Variants in ITGA4 observed in about 807,000 individuals in gnomAD.
ITGA4 encodes integrin subunit alpha 4.
In ITGA4, 63 loss-of-function variants were observed where a neutral mutation model predicts 133.6. The ratio of observed to expected loss-of-function variants is 0.47; its 90% CI spans 0.38 to 0.58. The LOEUF is 0.58. ITGA4 is among the 20% of genes least tolerant of loss of function. The probability of loss-of-function intolerance (pLI) is 0.00; values close to 1 mark genes in which losing one functional copy is unlikely to be tolerated. For synonymous variants in ITGA4, 483 were observed against 438.0 expected (o/e 1.10, Z -1.28); for missense variants, 1,076 against 1,252.7 (o/e 0.86, Z 2.13).
intron 6 of ITGA4, among the ~76,000 whole-genome samples, chr2:181,481,083 A>G (rs1445187901): frequency 6.6e-6 from 1 of 152,164 alleles, no homozygotes; most frequent in East Asian, 1.9e-4. Flanking sequence ...AGAATTTGTT[A>G]CAATTCAATG....
intron 22 of ITGA4, among the ~76,000 whole-genome samples, chr2:181,527,712 A>AG (rs141737636): frequency 0.24 from 37,018 of 152,184 alleles, 5,294 homozygotes; most frequent in Non-Finnish European, 0.32. Flanking sequence ...GGACAGGCCA[A>AG]GGGAAGGCAT....
intron 4 of ITGA4, chr2:181,475,716 C>T (rs769668228): frequency 2.9e-5 from 41 of 1,411,984 alleles, no homozygotes; most frequent in Non-Finnish European, 3.7e-5. Flanking sequence ...ATCTTTCATT[C>T]GCACTCACTA....
intron 10 of ITGA4, among the ~76,000 whole-genome samples, chr2:181,492,710 T>G (rs1159902710): frequency 1.3e-5 from 2 of 152,224 alleles, no homozygotes; most frequent in Non-Finnish European, 2.9e-5. Flanking sequence ...AAAATCATTA[T>G]TTTACAGAAC....
Position 181,537,853 on chromosome 2 carries a change from CG to C in ITGA4, c.*2327del, listed in dbSNP as rs1687245667. On this transcript the variant is annotated 3_prime_UTR_variant, in exon 28 of 28. Coordinates refer to ENST00000397033, the MANE Select transcript of ITGA4 (RefSeq NM_000885.6). The stretch of plus-strand genomic sequence containing the variant: ...TAACATCAATTTCTATTAGGATATC[CG>C]TTTGGCCACACAGCAGGAGGTTAGA... 2 of 506,674 alleles carry C rather than the reference CG, an allele frequency of 3.9e-6. No homozygotes were observed. The highest frequency in any genetic ancestry group is 7.6e-6 in the Non-Finnish European group (2 of 261,740). 31.4% of individuals were successfully genotyped at this position (506,674 alleles called of 1,614,324 possible).
At chr2:181,480,499 C>T (rs567365059) in intron 6 of ITGA4, among the ~76,000 whole-genome samples, 1 of 152,174 alleles carries the variant, frequency 6.6e-6, no homozygotes, top group South Asian at 2.1e-4. Flanking sequence ...CTTAATAGAA[C>T]TCCTAGTTTA....
At chr2:181,489,111 AC>A (rs1367477196) in intron 10 of ITGA4, among the ~76,000 whole-genome samples, 1 of 152,222 alleles carries the variant, frequency 6.6e-6, no homozygotes, top group African/African-American at 2.4e-5. Flanking sequence ...GGGTAAAGAT[AC>A]TTTGTGTTCA....
At position 181,538,293 on chromosome 2, in the gene ITGA4, A is replaced by T; in HGVS notation, c.*2766A>T. The T allele has an allele frequency of 5.6e-6, 6 of 1,073,134 alleles. No homozygotes were observed. Among genetic ancestry groups the T allele is most frequent in the Non-Finnish European group, 8.7e-6 (6 of 692,054 alleles). The allele number at this position is 1,073,134 out of a possible 1,614,324, so 66.5% of individuals were successfully genotyped here. A position where few individuals can be genotyped will look rare whatever the true frequency, so the allele number is the denominator to read the frequency against. The stretch of plus-strand genomic sequence containing the variant: ...ATCAACTTATTTTGTTGTTTTTCAC[A>T]TACACCTAATAAGTATGGTACACAA... On this transcript the variant is annotated 3_prime_UTR_variant, in exon 28 of 28. Transcript: ENST00000397033.
At chr2:181,484,406 T>C (rs1401143178) in intron 9 of ITGA4, among the ~76,000 whole-genome samples, 2 of 152,292 alleles carry the variant, frequency 1.3e-5, no homozygotes, top group East Asian at 3.9e-4. Flanking sequence ...GAAACTCTCC[T>C]TCCAGAACTT....
Position 181,457,728 on chromosome 2 carries a change from G to A in ITGA4, c.74G>A (p.Cys25Tyr). Residue 25 changes from cysteine (C) to tyrosine (Y), a missense_variant, in exon 1 of 28, where the codon TGC becomes TAC. By Grantham distance (194) the Cys-to-Tyr change is radical. This residue lies in a region of ITGA4 where 82 missense variants were observed against 68.3 expected (regional missense o/e 1.20). Coordinates refer to ENST00000397033, the MANE Select transcript of ITGA4 (RefSeq NM_000885.6). ...CGGGAGACGGTGATGCTGTTGCTGT[G>A]CCTGGGGGTCCCGACCGGCCGCCCC... ...AVRETVMLLL[C>Y]LGVPTGRPYN... 1.2e-6 allele frequency: 2 copies of A among 1,612,810 alleles called. No homozygotes were observed. Among genetic ancestry groups the A allele is most frequent in the East Asian group, 4.5e-5 (2 of 44,826 alleles).
chr2:181,491,078 G>T (rs1412915235), intron 10 of ITGA4, among the ~76,000 whole-genome samples: 1 of 152,194 alleles, frequency 6.6e-6, no homozygotes, highest in African/African-American at 2.4e-5. Context: ...TCCAGGAAGA[G>T]TCTGAATCTA....
intron 15 of ITGA4, among the ~76,000 whole-genome samples, chr2:181,501,600 T>G (rs1686272522): frequency 6.6e-6 from 1 of 152,094 alleles, no homozygotes; most frequent in African/African-American, 2.4e-5. Flanking sequence ...TGGCAGTGGA[T>G]ATGGTAAGAA....
chr2:181,535,436 G>T lies in ITGA4; in HGVS notation c.3008G>T (p.Gly1003Val). ...ATTATGTTATGCTATTTTCAGGCTG[G>T]CTTCTTTAAAAGACAATACAAATCT... ...LLISYVMWKA[G>V]FFKRQYKSIL... The change falls in exon 28 of 28, where the codon GGC becomes GTC. Residue 1003 changes from glycine (G) to valine (V), a missense_variant. Physicochemically the swap from Gly to Val is moderately radical, Grantham distance 109. This residue lies in a region of ITGA4 where 193 missense variants were observed against 172.3 expected (regional missense o/e 1.12). Transcript: ENST00000397033. The T allele has an allele frequency of 6.2e-7, 1 of 1,603,778 alleles. No homozygotes were observed. The highest frequency in any genetic ancestry group is 8.5e-7 in the Non-Finnish European group (1 of 1,175,326).
chr2:181,465,954 A>T (rs529215982), intron 2 of ITGA4, among the ~76,000 whole-genome samples: 1 of 152,268 alleles, frequency 6.6e-6, no homozygotes, highest in East Asian at 1.9e-4. Flanking sequence ...ATGTCTTTGC[A>T]TGTATTAAAA....
In ITGA4 at chr2:181,495,808, G is replaced by A. The variant is rs1055921079; in HGVS notation, c.1411G>A (p.Ala471Thr). 6.8e-6 allele frequency: 11 copies of A among 1,613,678 alleles called. No individual in the cohort carries two copies. Among genetic ancestry groups the A allele is most frequent in the South Asian group, 3.3e-5 (3 of 91,044 alleles). ...LRTRPVVIVD[A>T]SLSHPESVNR... ...GACAAGACCTGTAGTAATTGTTGAC[G>A]CTTCTTTAAGCCACCCTGAGTCAGT... Residue 471 changes from alanine to threonine, a missense_variant, in exon 14 of 28, where the codon GCT becomes ACT. By Grantham distance (58) the Ala-to-Thr change is moderately conservative. This residue lies in a region of ITGA4 where 436 missense variants were observed against 590.7 expected (regional missense o/e 0.74). Coordinates refer to ENST00000397033, the MANE Select transcript of ITGA4 (RefSeq NM_000885.6). This position sits in a 1 kb window ranked among gnomAD's most constrained non-coding sequence, Gnocchi z 4.3.
intron 9 of ITGA4, among the ~76,000 whole-genome samples, chr2:181,483,889 T>C (rs575763136): frequency 6.6e-6 from 1 of 152,274 alleles, no homozygotes; most frequent in Admixed American, 6.5e-5. Context: ...CCCATTGAAA[T>C]CTTAATCTCA....
At chr2:181,517,569 A>G (rs866638859) in intron 17 of ITGA4, among the ~76,000 whole-genome samples, 8 of 152,250 alleles carry the variant, frequency 5.3e-5, no homozygotes, top group Middle Eastern at 3.4e-3. Flanking sequence ...TCCCAGGGAC[A>G]GCTCTGGTTC....
chr2:181,476,778 T>G (rs1031139866), intron 4 of ITGA4, among the ~76,000 whole-genome samples: 1 of 152,198 alleles, frequency 6.6e-6, no homozygotes. Context: ...TGTAGAATAC[T>G]ACACAGGCAT....
At chr2:181,509,560 C>G in intron 15 of ITGA4, 98 bp from the exon 16 acceptor site, 1 of 785,954 alleles carries the variant, frequency 1.3e-6, no homozygotes, top group Non-Finnish European at 1.9e-6. Context: ...GCTTTGTCTT[C>G]CATGTATAGT....
intron 16 of ITGA4, among the ~76,000 whole-genome samples, chr2:181,510,833 C>A (rs1574404755): frequency 6.6e-6 from 1 of 151,986 alleles, no homozygotes; most frequent in Non-Finnish European, 1.5e-5. Flanking sequence ...TGCAAGTACA[C>A]AAGCCAAAAC....
Sources: gnomAD v4.1 joint callset for allele counts (sites outside exome capture counted in the v4.1 genomes callset) on GRCh38, gnomAD v4.1.1 for gene constraint, gnomAD v4.1.1 regional missense constraint, Gnocchi (gnomAD v3.1) non-coding constraint, MANE v1.5 for transcripts, NCBI Gene and HGNC (gene_info 2026-07-23, HGNC 2026-07-21) for gene names.